The following FBXO6 variants were observed in gnomAD, a reference collection of about 807,000 sequenced individuals.
FBXO6 encodes F-box only protein 6.
Under a neutral mutation model 25.0 loss-of-function variants are expected in FBXO6, and 13 were observed. That is an observed-to-expected ratio of 0.52 (90% CI 0.34 to 0.83). The LOEUF is 0.83. FBXO6 is among the 40% of genes least tolerant of loss of function. FBXO6 has a pLI of 0.02. For synonymous variants in FBXO6, 138 were observed against 155.3 expected, an observed-to-expected ratio of 0.89 and a Z score of 0.83; for missense variants, 370 against 380.2, an observed-to-expected ratio of 0.97 and a Z score of 0.22.
intron 3 of FBXO6, among the ~76,000 whole-genome samples, 197 bp downstream of exon 3, chr1:11,671,589 C>T (rs1424855698): frequency 6.6e-6 from 1 of 152,232 alleles, no homozygotes; most frequent in Non-Finnish European, 1.5e-5. Flanking sequence ...GTGGGGATCA[C>T]TGAAGCAGGC....
chr1:11,672,074 T>G (rs1260963245), intron 4 of FBXO6, 51 bp downstream of exon 4: 1 of 1,479,172 alleles, frequency 6.8e-7, no homozygotes, highest in Admixed American at 1.7e-5. Context: ...CTCCTCTTAC[T>G]GCGCTGCATG....
intron 2 of FBXO6, among the ~76,000 whole-genome samples, chr1:11,670,771 G>A (rs1356151320): frequency 3.3e-5 from 5 of 152,120 alleles, no homozygotes; most frequent in African/African-American, 1.2e-4. Context: ...ATTAGTCTTT[G>A]AGGACAGTAC....
At chr1:11,666,173 G>A (rs1570268057) in intron 1 of FBXO6, among the ~76,000 whole-genome samples, 1 of 150,340 alleles carries the variant, frequency 6.7e-6, no homozygotes, top group East Asian at 2.0e-4. Flanking sequence ...CTCATGGACT[G>A]TAAGGTAGAA....
At chr1:11,666,686 A>G (rs1640448976) in intron 1 of FBXO6, among the ~76,000 whole-genome samples, 1 of 152,158 alleles carries the variant, frequency 6.6e-6, no homozygotes, top group East Asian at 1.9e-4. Flanking sequence ...CCGGCCTGCA[A>G]AGCATTTTTC....
intron 1 of FBXO6, among the ~76,000 whole-genome samples, chr1:11,667,150 T>TG (rs913754400): frequency 9.3e-5 from 12 of 129,634 alleles, no homozygotes; most frequent in Non-Finnish European, 1.7e-4. Context: ...TGTCTCGGGG[T>TG]GGGGGGGAAG....
intron 1 of FBXO6, 147 bp from the exon 2 acceptor site, chr1:11,668,509 G>C: frequency 2.0e-6 from 2 of 998,730 alleles, no homozygotes; most frequent in South Asian, 3.4e-5. Context: ...GGGATCCTCT[G>C]CCTCAGCCTC....
rs61697438 is a variant in FBXO6, at chr1:11,666,003, AT to A, written c.-4+1758del. ...CTTGGCCACATTGGGTTTTTTTGTT[AT>A]TTTTTTTTTCCATCAAAGCATTTTT... On this transcript the variant is annotated intron_variant, in intron 1 of 5. Coordinates refer to ENST00000376753, the MANE Select transcript of FBXO6 (RefSeq NM_018438.6). Among the ~76,000 whole-genome samples, 52 of 121,754 alleles carry A rather than the reference AT, an allele frequency of 4.3e-4. 1 individual carries two copies. The South Asian group carries it at 7.8e-3, about 18-fold the overall frequency. The allele number at this position is 121,754 out of a possible 152,430, so 79.9% of individuals were successfully genotyped here.
chr1:11,671,302 G>C lies in FBXO6; in HGVS notation c.323G>C (p.Gly108Ala). The change falls in exon 3 of 6, where the codon GGG becomes GCG. Residue 108 changes from glycine (G) to alanine (A), a missense_variant. Transcript: ENST00000376753. ...GCATGGCAAATTGATTTCAATGGTGGGGACCGCTGGAAGGTGGAGAGCCTC... is the reference window on the plus strand; with the variant it reads ...GCATGGCAAATTGATTTCAATGGTGCGGACCGCTGGAAGGTGGAGAGCCTC... ...MFAWQIDFNG[G>A]DRWKVESLPG... is the part of the protein sequence containing the mutation. 6.2e-7 allele frequency: 1 copy of C among 1,614,092 alleles called. No homozygotes were observed. The highest frequency in any genetic ancestry group is 1.1e-5 in the South Asian group (1 of 91,082).
At chr1:11,668,635 T>C (rs1202674543) in intron 1 of FBXO6, 21 bp from the exon 2 acceptor site, 2 of 1,603,594 alleles carry the variant, frequency 1.2e-6, no homozygotes, top group Non-Finnish European at 1.7e-6. Context: ...GTCAGGCTCA[T>C]AACTGCTGTT....
intron 2 of FBXO6, among the ~76,000 whole-genome samples, chr1:11,669,983 C>T (rs1401564260): frequency 3.5e-5 from 5 of 144,232 alleles, no homozygotes; most frequent in Admixed American, 6.8e-5. Context: ...GAGGCTGAGG[C>T]GGGCGGATGA....
rs200064016 is a variant in FBXO6 at position 11,669,665 on chromosome 1, T to TGTATATATATAC, written c.286+729_286+730insATACGTATATAT. Among the ~76,000 whole-genome samples the TGTATATATATAC allele has an allele frequency of 1.2e-4, 17 of 145,946 alleles. No homozygotes were observed. The East Asian group carries it at 3.3e-3, about 28-fold the overall frequency. On this transcript the variant is annotated intron_variant, in intron 2 of 5. Transcript: ENST00000376753. ...ATATACACGTGTATACATATACACA[T>TGTATATATATAC]GTATATATGTACACATATATACGTA... is the stretch of plus-strand genomic sequence containing the variant.
At chr1:11,669,317 G>A (rs145063824) in intron 2 of FBXO6, among the ~76,000 whole-genome samples, 1 of 152,104 alleles carries the variant, frequency 6.6e-6, no homozygotes, top group African/African-American at 2.4e-5. Flanking sequence ...AACACACAAA[G>A]TTGGGCATGC....
rs1640703701 is a variant in FBXO6, at chr1:11,673,909, T to TG, written c.*62dup. The TG allele has an allele frequency of 2.6e-6, 4 of 1,532,782 alleles. No homozygotes were observed. The highest frequency in any genetic ancestry group is 2.7e-6 in the Non-Finnish European group (3 of 1,108,410). The allele number at this position is 1,532,782 out of a possible 1,614,324, so 94.9% of individuals were successfully genotyped here. On this transcript the variant is annotated 3_prime_UTR_variant, in exon 6 of 6. Coordinates refer to ENST00000376753, the MANE Select transcript of FBXO6 (RefSeq NM_018438.6). The surrounding 1 kb of genome is among the most constrained non-coding windows in gnomAD (Gnocchi z 4.3). Reference sequence around the variant, plus strand: ...GGTTCCTCCAGGCAGGAGCTGAGCATGGGGTGGGCAGTGAGGTCCCTGTAC... The same window carrying TG: ...GGTTCCTCCAGGCAGGAGCTGAGCATGGGGGTGGGCAGTGAGGTCCCTGTAC...
chr1:11,672,196 TC>T, intron 4 of FBXO6, 173 bp downstream of exon 4: 2 of 607,128 alleles, frequency 3.3e-6, no homozygotes, highest in Non-Finnish European at 5.9e-6. Flanking sequence ...CCTCCTGGCC[TC>T]CCCACCACCC....
chr1:11,665,299 A>T (rs1490068714), intron 1 of FBXO6, among the ~76,000 whole-genome samples: 1 of 129,704 alleles, frequency 7.7e-6, no homozygotes, highest in Non-Finnish European at 1.5e-5. Flanking sequence ...ATCTCAGCTC[A>T]CTGCAAGCTC....
chr1:11,665,554 CTT>C lies in FBXO6; in HGVS notation c.-4+1322_-4+1323del, dbSNP rs70983579. 5.3e-4 allele frequency among the ~76,000 whole-genome samples: 20 copies of C among 37,846 alleles called. No homozygotes were observed. In the South Asian group the frequency reaches 7.6e-3, roughly 14 times the overall value. The allele number at this position is 37,846 out of a possible 152,430, so 24.8% of individuals were successfully genotyped here. On this transcript the variant is annotated intron_variant, in intron 1 of 5. Transcript: ENST00000376753. The stretch of plus-strand genomic sequence containing the variant: ...ACAGGCGTGAGCCACCGCGCCCGGC[CTT>C]TTTTTTTTTTTTTTTTTTTTTTGAG...
At position 11,673,792 on chromosome 1, in the gene FBXO6, A is replaced by G; in HGVS notation, c.823A>G (p.Lys275Glu). The G allele has an allele frequency of 1.2e-6, 2 of 1,614,112 alleles. No homozygotes were observed. The highest frequency in any genetic ancestry group is 1.7e-6 in the Non-Finnish European group (2 of 1,180,028). ...CTCCTCCGAGGCTCAGCCTGGGCAG[A>G]AGCATGGACAGGAGGAGGCTGCCCA... ...QASSEAQPGQKHGQEEAAQSP... is the reference protein window; with the variant it reads ...QASSEAQPGQEHGQEEAAQSP... The change falls in exon 6 of 6, where the codon AAG becomes GAG. Residue 275 changes from lysine to glutamate, a missense_variant. Transcript: ENST00000376753. The surrounding 1 kb of genome is among the most constrained non-coding windows in gnomAD (Gnocchi z 4.3).
In FBXO6 at chr1:11,668,600, G is replaced by A. The variant is rs544960248; in HGVS notation, c.-3-56G>A. ...AGAGGAGTCCCTGGCCTGGTTCCCT[G>A]GGGACCTGAGGGCCCACCTCCCTGG... is the stretch of plus-strand genomic sequence containing the variant. On this transcript the variant is annotated intron_variant, in intron 1 of 5. Coordinates refer to ENST00000376753, the MANE Select transcript of FBXO6 (RefSeq NM_018438.6). The A allele has an allele frequency of 1.2e-5, 19 of 1,579,858 alleles. No homozygotes were observed. In the African/African-American group the frequency reaches 2.3e-4, roughly 19 times the overall value.
intron 2 of FBXO6, among the ~76,000 whole-genome samples, chr1:11,670,647 G>C (rs1048868086): frequency 4.6e-5 from 7 of 151,278 alleles, no homozygotes; most frequent in East Asian, 1.9e-4. Flanking sequence ...AAGGGGGGGG[G>C]GGTGTCGCTA....
Sources: gnomAD v4.1 joint callset for allele counts (sites outside exome capture counted in the v4.1 genomes callset) on GRCh38, gnomAD v4.1.1 for gene constraint, Gnocchi (gnomAD v3.1) non-coding constraint, MANE v1.5 for transcripts, NCBI Gene and HGNC (gene_info 2026-07-23, HGNC 2026-07-21) for gene names.